The following ROBO1 variants were observed in gnomAD, a reference collection of about 807,000 sequenced individuals.
The protein encoded by ROBO1 is roundabout homolog 1.
ROBO1 carries 149 observed loss-of-function variants against 195.9 expected under a neutral mutation model. That is an observed-to-expected ratio of 0.76 (90% confidence interval 0.67 to 0.87). The LOEUF (loss-of-function observed/expected upper bound fraction) is 0.87, where lower values mean the gene tolerates loss of function less well. ROBO1 is among the 40% of genes least tolerant of loss of function. The pLI is 0.00. For missense variants in ROBO1, 1,933 were observed against 2,068.3 expected (o/e 0.93, Z 1.27); for synonymous variants, 816 against 733.2 (o/e 1.11, Z -1.82).
At chr3:78,995,366 A>G (rs1035306853) in intron 3 of ROBO1, among the ~76,000 whole-genome samples, 8 of 152,194 alleles carry the variant, frequency 5.3e-5, no homozygotes, top group African/African-American at 7.2e-5. Context: ...GCCAGCAAGC[A>G]TGATGAACCT....
At chr3:79,116,135 G>A (rs553964103) in intron 3 of ROBO1, among the ~76,000 whole-genome samples, 1 of 152,198 alleles carries the variant, frequency 6.6e-6, no homozygotes, top group Admixed American at 6.5e-5. Flanking sequence ...CATACCTGTG[G>A]GTGATTGGTT....
intron 4 of ROBO1, among the ~76,000 whole-genome samples, chr3:78,761,987 C>CA (rs950599856): frequency 8.6e-5 from 13 of 151,958 alleles, no homozygotes; most frequent in Admixed American, 7.2e-4. Context: ...TAATAATGTG[C>CA]ATTTGATCTC....
intron 4 of ROBO1, among the ~76,000 whole-genome samples, chr3:78,820,604 G>A (rs142159852): frequency 1.7e-3 from 262 of 152,286 alleles, no homozygotes; most frequent in African/African-American, 5.9e-3. Context: ...ATTCATTGTT[G>A]ATAGCTCCAG....
chr3:79,204,523 C>G (rs966261487), intron 2 of ROBO1, among the ~76,000 whole-genome samples: 5 of 151,960 alleles, frequency 3.3e-5, no homozygotes, highest in Non-Finnish European at 7.4e-5. Flanking sequence ...TATATGTGTT[C>G]CGTCATAGCC....
chr3:79,271,165 T>C (rs1188888971), intron 2 of ROBO1, among the ~76,000 whole-genome samples: 4 of 152,114 alleles, frequency 2.6e-5, no homozygotes, highest in East Asian at 1.9e-4. Flanking sequence ...TTGTGTGTCA[T>C]GCAATCTTTA....
At chr3:78,613,740 C>G (rs1410368666) in intron 28 of ROBO1, among the ~76,000 whole-genome samples, 5 of 152,176 alleles carry the variant, frequency 3.3e-5, no homozygotes, top group Admixed American at 2.0e-4. Flanking sequence ...CTCAGAAAAC[C>G]TTCCTTGCAA....
At chr3:79,658,650 A>G (rs547030867) in intron 1 of ROBO1, among the ~76,000 whole-genome samples, 1 of 152,256 alleles carries the variant, frequency 6.6e-6, no homozygotes, top group South Asian at 2.1e-4. Context: ...AGATATTTCA[A>G]TACAAGCATA....
At chr3:79,663,652 C>T (rs35123133) in intron 1 of ROBO1, among the ~76,000 whole-genome samples, 45,148 of 151,900 alleles carry the variant, frequency 0.3, 7,430 homozygotes, top group East Asian at 0.5. Context: ...CTGGCTCTCA[C>T]TTAGTATTCT....
chr3:79,044,143 C>G (rs2078543544), intron 3 of ROBO1, among the ~76,000 whole-genome samples: 1 of 135,470 alleles, frequency 7.4e-6, no homozygotes, highest in Non-Finnish European at 1.6e-5. Context: ...AAAAAAAAAT[C>G]GCAAAAAAAA....
chr3:78,728,554 AT>A (rs143476488), intron 5 of ROBO1, among the ~76,000 whole-genome samples: 5,087 of 152,174 alleles, frequency 0.033, 266 homozygotes, highest in African/African-American at 0.11. Flanking sequence ...AGTGAAGGGT[AT>A]TTCATCATTT....
chr3:79,760,236 C>CAAAAAAAAAAAAAAAA lies in ROBO1; in HGVS notation c.-51+7500_-51+7515dup, dbSNP rs11451206. On this transcript the variant is annotated intron_variant, in intron 1 of 30. Coordinates refer to ENST00000464233, the MANE Select transcript of ROBO1 (RefSeq NM_002941.4). ...TGGGTGAGACAGTGAGACCCTATCT[C>CAAAAAAAAAAAAAAAA]AAAAAAAAAAAAAAAAAAAAAAAAA... Among the ~76,000 whole-genome samples the CAAAAAAAAAAAAAAAA allele has an allele frequency of 4.4e-4, 2 of 4,514 alleles. 1 individual carries two copies. Among genetic ancestry groups the CAAAAAAAAAAAAAAAA allele is most frequent in the Non-Finnish European group, 8.6e-4 (2 of 2,330 alleles). The allele number at this position is 4,514 out of a possible 152,430, so 3.0% of individuals were successfully genotyped here.
intron 11 of ROBO1, among the ~76,000 whole-genome samples, chr3:78,669,442 T>C (rs1246339827): frequency 3.3e-5 from 5 of 152,206 alleles, no homozygotes. Flanking sequence ...TTTATTGCTG[T>C]CAGGACTATT....
At chr3:79,018,851 C>T (rs1576575745) in intron 3 of ROBO1, 1 of 1,003,300 alleles carries the variant, frequency 1.0e-6, no homozygotes, top group South Asian at 4.4e-5. Context: ...CGAGGGCAGG[C>T]GCGGCGGCGG....
At chr3:79,743,407 T>C (rs1427489947) in intron 1 of ROBO1, among the ~76,000 whole-genome samples, 1 of 152,198 alleles carries the variant, frequency 6.6e-6, no homozygotes, top group Admixed American at 6.5e-5. Flanking sequence ...GCACTTACCA[T>C]GAATGGAGTT....
chr3:78,636,946 T>TAG, intron 22 of ROBO1, among the ~76,000 whole-genome samples: 1 of 103,360 alleles, frequency 9.7e-6, no homozygotes, highest in Non-Finnish European at 1.9e-5. Flanking sequence ...TATATATATA[T>TAG]ATATATATAT....
chr3:79,350,782 G>A (rs956180769), intron 2 of ROBO1, among the ~76,000 whole-genome samples: 28 of 152,082 alleles, frequency 1.8e-4, no homozygotes, highest in African/African-American at 6.8e-4. Context: ...TAGTGCTGAG[G>A]GGATTGGAGA....
At chr3:78,736,372 T>G (rs2082392729) in intron 5 of ROBO1, among the ~76,000 whole-genome samples, 1 of 152,132 alleles carries the variant, frequency 6.6e-6, no homozygotes, top group Admixed American at 6.6e-5. Flanking sequence ...AAATCATAAT[T>G]TAGAATAGAT....
At chr3:79,139,756 T>A (rs1405042653) in intron 2 of ROBO1, among the ~76,000 whole-genome samples, 1 of 152,202 alleles carries the variant, frequency 6.6e-6, no homozygotes, top group Admixed American at 6.5e-5. Flanking sequence ...GTCTGTTGAC[T>A]TTTTTTGTTA....
chr3:79,159,446 G>A (rs1354090113), intron 2 of ROBO1, among the ~76,000 whole-genome samples: 1 of 151,860 alleles, frequency 6.6e-6, no homozygotes, highest in African/African-American at 2.4e-5. Flanking sequence ...TGCTCCTGAG[G>A]AACTTGGGCA....
Sources: allele counts gnomAD v4.1 joint callset (sites outside exome capture counted in the v4.1 genomes callset), GRCh38; gene constraint gnomAD v4.1.1; transcripts MANE v1.5; gene names NCBI Gene and HGNC (gene_info 2026-07-23, HGNC 2026-07-21).